CRLF1: variants seen among roughly 807,000 people sequenced by gnomAD.
CRLF1 encodes cytokine receptor like factor 1.
CRLF1 carries 36 observed loss-of-function variants against 48.9 expected under a neutral mutation model. The ratio of observed to expected loss-of-function variants is 0.74; its 90% confidence interval spans 0.56 to 0.97. CRLF1 has a LOEUF of 0.97. Ranked by LOEUF, CRLF1 falls within the 50% of genes least tolerant of loss-of-function variation. The probability of loss-of-function intolerance (pLI) is 0.00; values close to 1 mark genes in which losing one functional copy is unlikely to be tolerated. For missense variants in CRLF1, 534 were observed against 575.1 expected (o/e 0.93, Z 0.73); for synonymous variants, 256 against 253.4 (o/e 1.01, Z -0.10).
At chr19:18,594,685 G>A (rs991550036) in intron 6 of CRLF1, among the ~76,000 whole-genome samples, 2 of 151,996 alleles carry the variant, frequency 1.3e-5, no homozygotes, top group South Asian at 4.2e-4. Flanking sequence ...CCAGGAACCC[G>A]ATTCCTGTGG....
At chr19:18,596,566 G>C in intron 6 of CRLF1, 56 bp downstream of exon 6, 1 of 1,583,602 alleles carries the variant, frequency 6.3e-7, no homozygotes, top group South Asian at 1.1e-5. Flanking sequence ...GGAAACAGAG[G>C]CTCTAGCTGG....
chr19:18,600,366 C>G (rs1436766257), intron 1 of CRLF1, among the ~76,000 whole-genome samples: 3 of 134,556 alleles, frequency 2.2e-5, no homozygotes, highest in Non-Finnish European at 4.9e-5. Context: ...GCCTGACTAA[C>G]TTTTGTATTT....
At position 18,597,118 on chromosome 19, in the gene CRLF1, C is replaced by T. The variant is rs553291137; in HGVS notation, c.698-69G>A. On this transcript the variant is annotated intron_variant, in intron 4 of 8. Transcript: ENST00000392386. Reference sequence around the variant, plus strand: ...GTTTAACTCCCCCCAGCAGTGTGGCCCAGGGCACTTGGCCTAGATGGAACC... The same window carrying T: ...GTTTAACTCCCCCCAGCAGTGTGGCTCAGGGCACTTGGCCTAGATGGAACC... The T allele has an allele frequency of 5.2e-6, 8 of 1,535,002 alleles. No individual in the cohort carries two copies. In the East Asian group the frequency reaches 1.9e-4, roughly 36 times the overall value.
intron 4 of CRLF1, 67 bp from the exon 5 acceptor site, chr19:18,597,116 G>A: frequency 2.0e-6 from 3 of 1,537,448 alleles, no homozygotes; most frequent in Non-Finnish European, 2.6e-6. Flanking sequence ...CAGCAGTGTG[G>A]CCCAGGGCAC....
chr19:18,595,185 C>T (rs111518899), intron 6 of CRLF1, among the ~76,000 whole-genome samples: 2 of 152,214 alleles, frequency 1.3e-5, no homozygotes, highest in Non-Finnish European at 2.9e-5. Context: ...GGCCCTGGCA[C>T]GGCCCCGGCC....
In CRLF1 at chr19:18,599,696, C is replaced by T. The variant is rs143326783; in HGVS notation, c.266G>A (p.Arg89His). ...AGCCAAGGTGGAGGCGTTGAGTACA[C>T]GGGAGAGCTCAGGGGGCAGGCGGCG... ...NGRRLPPELS[R>H]VLNASTLALA... is the part of the protein sequence containing the mutation. The change falls in exon 2 of 9, where the codon CGT becomes CAT. Residue 89 changes from arginine to histidine, a missense_variant. Coordinates refer to ENST00000392386, the MANE Select transcript of CRLF1 (RefSeq NM_004750.5). 3.1e-4 allele frequency: 497 copies of T among 1,611,852 alleles called. No individual in the cohort carries two copies. The highest frequency in any genetic ancestry group is 6.7e-4 in the Admixed American group (40 of 59,624).
chr19:18,604,266 G>A (rs1383526354), intron 1 of CRLF1, among the ~76,000 whole-genome samples: 2 of 152,178 alleles, frequency 1.3e-5, no homozygotes, highest in Non-Finnish European at 2.9e-5. Context: ...GGCTGGGCGG[G>A]GGACACCGGG....
rs1024317469 is a variant in CRLF1, at chr19:18,606,569, C to G, written c.88G>C (p.Gly30Arg). The change falls in exon 1 of 9, where the codon GGG becomes CGG. Residue 30 changes from glycine (G) to arginine (R), a missense_variant. This residue lies in a region of CRLF1 where 528 missense variants were observed against 555.7 expected (regional missense o/e 0.95). Transcript: ENST00000392386. This position sits in a 1 kb window ranked among gnomAD's most constrained non-coding sequence, Gnocchi z 4.8. ...LPLLLLLCVLGAPRAGSGAHT... is the reference protein window; with the variant it reads ...LPLLLLLCVLRAPRAGSGAHT... ...GCTCCTGATCCGGCTCGCGGCGCCC[C>G]GAGGACGCAGAGCAGCAGCAGCAGG... The G allele has an allele frequency of 7.0e-6, 8 of 1,144,236 alleles. No homozygotes were observed. Among genetic ancestry groups the G allele is most frequent in the Non-Finnish European group, 8.6e-6 (8 of 934,476 alleles). 70.9% of individuals were successfully genotyped at this position (1,144,236 alleles called of 1,614,324 possible).
At chr19:18,599,919 A>ATGAACCCT in intron 1 of CRLF1, 73 bp from the exon 2 acceptor site, 1 of 1,410,074 alleles carries the variant, frequency 7.1e-7, no homozygotes, top group Non-Finnish European at 9.4e-7. Context: ...CAGGACCTCC[A>ATGAACCCT]GGGTTCATGG....
chr19:18,601,283 T>G (rs1976217700), intron 1 of CRLF1, among the ~76,000 whole-genome samples: 1 of 151,980 alleles, frequency 6.6e-6, no homozygotes, highest in Admixed American at 6.6e-5. Flanking sequence ...CACCATGTTT[T>G]TTTTTTTTTT....
chr19:18,594,032 TC>T, intron 8 of CRLF1, 32 bp downstream of exon 8: 3 of 695,804 alleles, frequency 4.3e-6, no homozygotes, highest in South Asian at 1.8e-5. Context: ...CTCCCCTTGC[TC>T]CCTCCCGCCC....
Position 18,598,534 on chromosome 19 carries a change from T to C in CRLF1, c.595A>G (p.Lys199Glu), listed in dbSNP as rs1218716041. Residue 199 changes from lysine (K) to glutamate (E), a missense_variant, in exon 4 of 9, where the codon AAG (lysine) becomes GAG (glutamate). Coordinates refer to ENST00000392386, the MANE Select transcript of CRLF1 (RefSeq NM_004750.5). ...TAGGGCGTAAAGAGAGCCAGGTCCT[T>C]GGGGATGTGGCAGGAGTGGGGCCCC... ...TVGPHSCHIP[K>E]DLALFTPYEI... 1 of 1,613,954 alleles carries C rather than the reference T, an allele frequency of 6.2e-7. No homozygotes were observed. Among genetic ancestry groups the C allele is most frequent in the Non-Finnish European group, 8.5e-7 (1 of 1,179,952 alleles).
At position 18,598,781 on chromosome 19, in the gene CRLF1, T is replaced by C; in HGVS notation, c.518A>G (p.Tyr173Cys). 1 of 1,614,050 alleles carries C rather than the reference T, an allele frequency of 6.2e-7. No individual in the cohort carries two copies. Among genetic ancestry groups the C allele is most frequent in the South Asian group, 1.1e-5 (1 of 91,082 alleles). ...TFLHTNYSLK[Y>C]KLRWYGQDNT... ...TCAGGCCACCACCAACCTAAGCTTG[T>C]ACTTGAGGGAGTAGTTGGTGTGGAG... The change falls in exon 3 of 9, where the codon TAC becomes TGC. Residue 173 changes from tyrosine to cysteine, a missense_variant. Physicochemically the swap from Tyr to Cys is radical, Grantham distance 194. Coordinates refer to ENST00000392386, the MANE Select transcript of CRLF1 (RefSeq NM_004750.5).
chr19:18,599,959 TC>T, intron 1 of CRLF1, 113 bp from the exon 2 acceptor site: 2 of 1,154,370 alleles, frequency 1.7e-6, no homozygotes, highest in Non-Finnish European at 2.4e-6. Context: ...TTAATGATTG[TC>T]CCCCATTTTA....
At position 18,599,714 on chromosome 19, in the gene CRLF1, A is replaced by G. The variant is rs773193414; in HGVS notation, c.248T>C (p.Leu83Pro). Residue 83 changes from leucine to proline, a missense_variant, in exon 2 of 9, where the codon CTG (leucine) becomes CCG (proline). By Grantham distance (98) the Leu-to-Pro change is moderately conservative. Around this residue, in one of 2 missense-constraint regions of CRLF1, gnomAD observed 528 missense variants for 555.7 expected, o/e 0.95. Coordinates refer to ENST00000392386, the MANE Select transcript of CRLF1 (RefSeq NM_004750.5). ...GAGTACACGGGAGAGCTCAGGGGGCAGGCGGCGCCCGTTGAGGGTCCAGTA... is the reference window on the plus strand; with the variant it reads ...GAGTACACGGGAGAGCTCAGGGGGCGGGCGGCGCCCGTTGAGGGTCCAGTA... ...GLYWTLNGRR[L>P]PPELSRVLNA... 9.3e-6 allele frequency: 15 copies of G among 1,609,506 alleles called. No individual in the cohort carries two copies. Among genetic ancestry groups the G allele is most frequent in the African/African-American group, 1.3e-5 (1 of 75,024 alleles).
At chr19:18,594,032 T>TTGGGGGGGCCC in intron 8 of CRLF1, 33 bp downstream of exon 8, 1 of 695,814 alleles carries the variant, frequency 1.4e-6, no homozygotes. Context: ...CTCCCCTTGC[T>TTGGGGGGGCCC]CCCTCCCGCC....
chr19:18,603,131 A>C (rs1481246740), intron 1 of CRLF1, among the ~76,000 whole-genome samples: 2 of 152,276 alleles, frequency 1.3e-5, no homozygotes, highest in Non-Finnish European at 2.9e-5. Flanking sequence ...CAGGGTACCT[A>C]TAGTGTGTCC....
intron 7 of CRLF1, 65 bp downstream of exon 7, chr19:18,594,182 C>T: frequency 6.2e-7 from 1 of 1,603,418 alleles, no homozygotes; most frequent in African/African-American, 1.3e-5. Flanking sequence ...TTCCCCCTCC[C>T]CTGTTTTCTG....
chr19:18,598,940 C>G, intron 2 of CRLF1, 39 bp from the exon 3 acceptor site: 1 of 1,609,920 alleles, frequency 6.2e-7, no homozygotes, highest in Non-Finnish European at 8.5e-7. Context: ...GGCTGAGGGT[C>G]TGGACTAGCT....
Sources: allele counts gnomAD v4.1 joint callset (sites outside exome capture counted in the v4.1 genomes callset), GRCh38; gene constraint gnomAD v4.1.1; regional missense constraint gnomAD v4.1.1; non-coding constraint Gnocchi (gnomAD v3.1); transcripts MANE v1.5; gene names NCBI Gene and HGNC (gene_info 2026-07-23, HGNC 2026-07-21).